ZFHX2: variants seen among roughly 807,000 people sequenced by gnomAD.
ZFHX2 encodes zinc finger homeobox 2.
ZFHX2 carries 75 observed loss-of-function variants against 164.8 expected under a neutral mutation model. That is an observed-to-expected ratio of 0.46 (90% CI 0.38 to 0.55). The LOEUF (loss-of-function observed/expected upper bound fraction) is 0.55. ZFHX2 is among the 20% of genes least tolerant of loss of function. The pLI is 0.00. For synonymous variants in ZFHX2, 1,217 were observed against 1,351.4 expected (o/e 0.90, Z 2.18); for missense variants, 2,933 against 3,308.0 (o/e 0.89, Z 2.78).
intron 6 of ZFHX2, chr14:23,528,726 A>G: frequency 3.0e-6 from 3 of 985,352 alleles, no homozygotes; most frequent in Non-Finnish European, 3.6e-6. Context: ...TAATGTGAAT[A>G]AACACCACAG....
upstream of ZFHX2, among the ~76,000 whole-genome samples, chr14:23,552,788 ACGG>A (rs1325371920): frequency 1.3e-5 from 2 of 149,798 alleles, no homozygotes; most frequent in Non-Finnish European, 3.0e-5. Flanking sequence ...TTTAGTAGAG[ACGG>A]GGGTTTCACC....
At chr14:23,553,299 C>T (rs1192890719), upstream of ZFHX2, among the ~76,000 whole-genome samples, 2 of 152,188 alleles carry the variant, frequency 1.3e-5, no homozygotes, top group African/African-American at 4.8e-5. Flanking sequence ...CACATTTTCT[C>T]AATGAAAAAG....
At chr14:23,529,683 G>C in intron 6 of ZFHX2, 27 bp downstream of exon 6, 1 of 1,534,024 alleles carries the variant, frequency 6.5e-7, no homozygotes, top group African/African-American at 1.4e-5. Context: ...CCCCACTTCA[G>C]CTCTTCCCAG....
At position 23,534,865 on chromosome 14, in the gene ZFHX2, C is replaced by T; in HGVS notation, c.461G>A (p.Ser154Asn). 1 of 1,536,110 alleles carries T rather than the reference C, an allele frequency of 6.5e-7. No individual in the cohort carries two copies. ...WGEAGIKEEP[S>N]LPFLAYPPPS... ...GGGTGGGTAGGCAAGGAAGGGCAGACTGGGCTCTTCCTTGATGCCCGCCTC... is the reference window on the plus strand; with the variant it reads ...GGGTGGGTAGGCAAGGAAGGGCAGATTGGGCTCTTCCTTGATGCCCGCCTC... Residue 154 changes from serine to asparagine, a missense_variant, in exon 2 of 10, where the codon AGT (serine) becomes AAT (asparagine). By Grantham distance (46) the Ser-to-Asn change is conservative. Transcript: ENST00000419474. The surrounding 1 kb of genome is among the most constrained non-coding windows in gnomAD (Gnocchi z 4.5).
Position 23,551,081 on chromosome 14 carries a change from C to G in ZFHX2, c.-50+262G>C, listed in dbSNP as rs1881903571. On this transcript the variant is annotated intron_variant, in intron 1 of 9. Coordinates refer to ENST00000419474, the MANE Select transcript of ZFHX2 (RefSeq NM_033400.3). The surrounding 1 kb of genome is among the most constrained non-coding windows in gnomAD (Gnocchi z 5.3). ...CCCGTTCCCGTTTCTCCCTCCACCC[C>G]CGCATCTCTCTTCCCCCATCCTCGC... Among the ~76,000 whole-genome samples the G allele has an allele frequency of 6.6e-6, 1 of 152,020 alleles. No homozygotes were observed. Among genetic ancestry groups the G allele is most frequent in the Non-Finnish European group, 1.5e-5 (1 of 68,012 alleles).
Position 23,524,259 on chromosome 14 carries a change from C to T in ZFHX2, c.5683G>A (p.Gly1895Arg). ...ACCTGTACCACTCGCTTTTTGAGCC[C>T]CACCTCCTCGGAGATGCAGTCGAGC... Reference protein sequence around the residue: ...KMLDCISEEVGLKKRVVQVWF... With the variant: ...KMLDCISEEVRLKKRVVQVWF... Residue 1895 changes from glycine (G) to arginine (R), a missense_variant, in exon 9 of 10, where the codon GGG (glycine) becomes AGG (arginine). Gly to Arg is a moderately radical substitution (Grantham distance 125). Coordinates refer to ENST00000419474, the MANE Select transcript of ZFHX2 (RefSeq NM_033400.3). The surrounding 1 kb of genome is among the most constrained non-coding windows in gnomAD (Gnocchi z 5.6). 6.5e-7 allele frequency: 1 copy of T among 1,536,358 alleles called. No homozygotes were observed. Among genetic ancestry groups the T allele is most frequent in the Non-Finnish European group, 8.7e-7 (1 of 1,146,956 alleles).
intron 3 of ZFHX2, 66 bp from the exon 4 acceptor site, chr14:23,531,787 T>A (rs1405046695): frequency 7.9e-7 from 1 of 1,269,614 alleles, no homozygotes; most frequent in Non-Finnish European, 9.9e-7. Flanking sequence ...GGGACTTTTT[T>A]TTTTTTTCTA....
upstream of ZFHX2, among the ~76,000 whole-genome samples, chr14:23,552,294 T>C (rs1228684711): frequency 6.6e-6 from 1 of 150,840 alleles, no homozygotes; most frequent in Non-Finnish European, 1.5e-5. Context: ...CTGAATTTTT[T>C]TTTTTTTTTT....
chr14:23,524,020 A>C lies in ZFHX2; in HGVS notation c.5922T>G (p.Ala1974=). 1 of 1,516,902 alleles carries C rather than the reference A, an allele frequency of 6.6e-7. No homozygotes were observed. The highest frequency in any genetic ancestry group is 8.8e-7 in the Non-Finnish European group (1 of 1,136,368). The allele number at this position is 1,516,902 out of a possible 1,614,324, so 94.0% of individuals were successfully genotyped here. Residue 1974 remains alanine (A), a synonymous_variant, in exon 9 of 10, where the codon GCT becomes GCG. Coordinates refer to ENST00000419474, the MANE Select transcript of ZFHX2 (RefSeq NM_033400.3). The surrounding 1 kb of genome is among the most constrained non-coding windows in gnomAD (Gnocchi z 5.6). ...GTGGTAGGAAAGGCTGGGGCCCAGA[A>C]GCAAGCGTGGCAGTGGGGTAGGGAA... The part of the protein sequence containing the change: ...PAFPYPTATL[A]SGPQPFLPPG...
In ZFHX2 at chr14:23,520,881, T is replaced by G. The variant is rs948411731; in HGVS notation, c.*1081A>C. 1 of 152,086 alleles carries G rather than the reference T, an allele frequency of 6.6e-6. No homozygotes were observed. Among genetic ancestry groups the G allele is most frequent in the African/African-American group, 2.4e-5 (1 of 41,348 alleles). The allele number at this position is 152,086 out of a possible 1,614,324, so 9.4% of individuals were successfully genotyped here. On this transcript the variant is annotated 3_prime_UTR_variant, in exon 10 of 10. Transcript: ENST00000419474. This position sits in a 1 kb window ranked among gnomAD's most constrained non-coding sequence, Gnocchi z 8.7. ...CTGATGGGAGTTTTCTTCCTTTTTT[T>G]TTTTTTCTGTATTTTCCAAGTTTAC...
upstream of ZFHX2, among the ~76,000 whole-genome samples, chr14:23,552,897 C>T (rs530852284): frequency 2.0e-5 from 3 of 152,182 alleles, no homozygotes; most frequent in East Asian, 5.8e-4. Flanking sequence ...CCACCTCACC[C>T]GGCCGCTCCT....
chr14:23,548,132 C>T (rs1180772483), intron 1 of ZFHX2, among the ~76,000 whole-genome samples: 2 of 152,190 alleles, frequency 1.3e-5, no homozygotes, highest in African/African-American at 2.4e-5. Flanking sequence ...CAACAACTCT[C>T]CTCCCCACTC....
chr14:23,527,889 C>CCG, intron 6 of ZFHX2, 85 bp from the exon 7 acceptor site: 2 of 1,162,360 alleles, frequency 1.7e-6, no homozygotes, highest in Non-Finnish European at 1.2e-6. Context: ...CAGCACTGGC[C>CCG]CGCCCCCACT....
At position 23,532,736 on chromosome 14, in the gene ZFHX2, C is replaced by T. The variant is rs560454162; in HGVS notation, c.2390G>A (p.Gly797Glu). Residue 797 changes from glycine (G) to glutamate (E), a missense_variant, in exon 3 of 10, where the codon GGA becomes GAA. Physicochemically the swap from Gly to Glu is moderately conservative, Grantham distance 98. Transcript: ENST00000419474. ...TGCTGGGGAAGGGGTGCCCATGGCT[C>T]CACCCCCCTCCCGCAGGTGGGCTGC... ...QLAAHLREGG[G>E]AMGTPSPASL... 3 of 1,535,906 alleles carry T rather than the reference C, an allele frequency of 2.0e-6. No homozygotes were observed. The highest frequency in any genetic ancestry group is 4.9e-5 in the East Asian group (2 of 40,918).
At chr14:23,529,966 C>T (rs1879311132) in intron 5 of ZFHX2, among the ~76,000 whole-genome samples, 154 bp downstream of exon 5, 1 of 152,184 alleles carries the variant, frequency 6.6e-6, no homozygotes, top group African/African-American at 2.4e-5. Flanking sequence ...AGTGCCTAGC[C>T]TCTCGTGGCT....
intron 1 of ZFHX2, among the ~76,000 whole-genome samples, chr14:23,550,699 G>A (rs1566597511): frequency 1.3e-5 from 2 of 152,276 alleles, no homozygotes; most frequent in South Asian, 2.1e-4. Context: ...GGGCGTGCAG[G>A]ACAGACACGC....
chr14:23,533,184 G>T lies in ZFHX2; in HGVS notation c.2042-100C>A. The T allele has an allele frequency of 7.0e-7, 1 of 1,436,586 alleles. No individual in the cohort carries two copies. Among genetic ancestry groups the T allele is most frequent in the East Asian group, 2.5e-5 (1 of 40,020 alleles). The allele number at this position is 1,436,586 out of a possible 1,614,324, so 89.0% of individuals were successfully genotyped here. A position where few individuals can be genotyped will look rare whatever the true frequency, so the allele number is the denominator to read the frequency against. On this transcript the variant is annotated intron_variant, in intron 2 of 9. Transcript: ENST00000419474. This position sits in a 1 kb window ranked among gnomAD's most constrained non-coding sequence, Gnocchi z 4.8. Reference sequence around the variant, plus strand: ...TAATGAGTAGGATAGTGCTCAGAGGGACTTATGGTTACCTAAGTGGGGAGT... The same window carrying T: ...TAATGAGTAGGATAGTGCTCAGAGGTACTTATGGTTACCTAAGTGGGGAGT...
chr14:23,534,674 C>T lies in ZFHX2; in HGVS notation c.652G>A (p.Gly218Arg), dbSNP rs776783658. ...CCCATGGGGCCATCTTTGGGATCTC[C>T]GGGTGGATTTGGAGCCAGCTGGTAG... The part of the protein sequence containing the change: ...WSYQLAPNPP[G>R]DPKDGPMGNS... Residue 218 changes from glycine (G) to arginine (R), a missense_variant, in exon 2 of 10, where the codon GGA becomes AGA. Transcript: ENST00000419474. The surrounding 1 kb of genome is among the most constrained non-coding windows in gnomAD (Gnocchi z 4.5). 4.8e-5 allele frequency: 74 copies of T among 1,536,050 alleles called. No individual in the cohort carries two copies. Among genetic ancestry groups the T allele is most frequent in the African/African-American group, 8.2e-5 (6 of 73,050 alleles).
chr14:23,524,178 C>A lies in ZFHX2; in HGVS notation c.5764G>T (p.Gly1922Trp), dbSNP rs542410538. ...ERKGQFRSTPGGVPSPAVKPP... is the reference protein window; with the variant it reads ...ERKGQFRSTPWGVPSPAVKPP... ...TTCACTGCTGGACTAGGCACCCCCC[C>A]AGGGGTGCTTCGAAACTGGCCTTTC... The change falls in exon 9 of 10, where the codon GGG becomes TGG. Residue 1922 changes from glycine (G) to tryptophan (W), a missense_variant. By Grantham distance (184) the Gly-to-Trp change is radical. Transcript: ENST00000419474. This position sits in a 1 kb window ranked among gnomAD's most constrained non-coding sequence, Gnocchi z 5.6. 75 of 1,536,128 alleles carry A rather than the reference C, an allele frequency of 4.9e-5. No individual in the cohort carries two copies. Among genetic ancestry groups the A allele is most frequent in the Middle Eastern group, 1.7e-4 (1 of 5,990 alleles).
Sources: gnomAD v4.1 joint callset for allele counts (sites outside exome capture counted in the v4.1 genomes callset) on GRCh38, gnomAD v4.1.1 for gene constraint, Gnocchi (gnomAD v3.1) non-coding constraint, MANE v1.5 for transcripts, NCBI Gene and HGNC (gene_info 2026-07-23, HGNC 2026-07-21) for gene names.